Variants in DCDC1 observed in about 807,000 individuals in gnomAD.
DCDC1 encodes doublecortin domain containing 1.
DCDC1 carries 200 observed loss-of-function variants against 178.3 expected under a neutral mutation model. The ratio of observed to expected loss-of-function variants is 1.12; its 90% confidence interval spans 1.00 to 1.26. The LOEUF (loss-of-function observed/expected upper bound fraction) is 1.26, where lower values mean the gene tolerates loss of function less well. Ranked by LOEUF, DCDC1 falls within the 50% of genes most tolerant of loss-of-function variation. The pLI, the probability that DCDC1 is intolerant of heterozygous loss-of-function variation, is 0.00. For synonymous variants in DCDC1, 690 were observed against 604.8 expected (o/e 1.14, Z -2.07); for missense variants, 1,983 against 1,749.2 (o/e 1.13, Z -2.38).
intron 2 of DCDC1, among the ~76,000 whole-genome samples, chr11:31,331,938 A>G (rs1460726908): frequency 6.6e-6 from 1 of 152,180 alleles, no homozygotes; most frequent in Non-Finnish European, 1.5e-5. Context: ...TGATTGGAAT[A>G]GTTTCAGAAG....
chr11:30,948,486 C>A (rs949978690), intron 21 of DCDC1, among the ~76,000 whole-genome samples: 3 of 152,132 alleles, frequency 2.0e-5, no homozygotes, highest in African/African-American at 7.2e-5. Context: ...ACTTTCTTCA[C>A]AGAAGTAGAA....
chr11:31,328,399 T>C, intron 2 of DCDC1, 113 bp from the exon 3 acceptor site: 1 of 1,011,318 alleles, frequency 9.9e-7, no homozygotes, highest in Non-Finnish European at 1.4e-6. Flanking sequence ...CTAGACCATA[T>C]AGCAATGATT....
intron 20 of DCDC1, among the ~76,000 whole-genome samples, chr11:30,989,668 T>C (rs1207098753): frequency 6.6e-6 from 1 of 152,218 alleles, no homozygotes; most frequent in Non-Finnish European, 1.5e-5. Flanking sequence ...GAATTATTTC[T>C]GCTCAAATCC....
At chr11:31,114,391 C>T (rs1485804942) in intron 11 of DCDC1, among the ~76,000 whole-genome samples, 1 of 152,036 alleles carries the variant, frequency 6.6e-6, no homozygotes, top group East Asian at 1.9e-4. Flanking sequence ...GGTAAATGCA[C>T]CCTGTGTAGG....
rs147360410 is a variant in DCDC1 at position 31,095,652 on chromosome 11, C to G, written c.1984-1468G>C. ...TAGTTGTGGGGATGGATAGGGGGTA[C>G]TGAAGGGGGAGACATTGCACCCACA... On this transcript the variant is annotated intron_variant, in intron 15 of 38. Coordinates refer to ENST00000684477, the MANE Select transcript of DCDC1 (RefSeq NM_001387274.1). Among the ~76,000 whole-genome samples the G allele has an allele frequency of 4.7e-3, 715 of 152,156 alleles. 4 individuals are homozygous for G. Among genetic ancestry groups the G allele is most frequent in the Non-Finnish European group, 7.7e-3 (527 of 68,004 alleles).
At chr11:30,924,440 G>C (rs1417149418) in intron 23 of DCDC1, among the ~76,000 whole-genome samples, 2 of 152,078 alleles carry the variant, frequency 1.3e-5, no homozygotes, top group South Asian at 4.1e-4. Context: ...AAGAATTGTA[G>C]GCATCAATCA....
chr11:31,005,626 T>G (rs1337849063), intron 20 of DCDC1, among the ~76,000 whole-genome samples: 1 of 152,092 alleles, frequency 6.6e-6, no homozygotes, highest in Admixed American at 6.5e-5. Context: ...CTATAGTATA[T>G]CAAGGGGGTA....
At chr11:31,177,005 A>T (rs1407374262) in intron 9 of DCDC1, among the ~76,000 whole-genome samples, 1 of 152,074 alleles carries the variant, frequency 6.6e-6, no homozygotes, top group Non-Finnish European at 1.5e-5. Flanking sequence ...AACTCATAAT[A>T]CCCCAGTAAT....
chr11:30,990,271 T>G (rs1475850222), intron 20 of DCDC1, among the ~76,000 whole-genome samples: 1 of 152,188 alleles, frequency 6.6e-6, no homozygotes, highest in African/African-American at 2.4e-5. Context: ...TTCTTATTCC[T>G]GTAAGATCTC....
In DCDC1 at chr11:31,106,976, AG is replaced by A. The variant is rs1447191209; in HGVS notation, c.1588-17del. The A allele has an allele frequency of 1.7e-5, 13 of 760,908 alleles. No homozygotes were observed. The highest frequency in any genetic ancestry group is 3.1e-5 in the Non-Finnish European group (13 of 416,096). 47.1% of individuals were successfully genotyped at this position (760,908 alleles called of 1,614,324 possible). A position where few individuals can be genotyped will look rare whatever the true frequency, so the allele number is the denominator to read the frequency against. Reference sequence around the variant, plus strand: ...TGAGAAGTAACTGGTTGGGGGTTAGAGGGGCAGAGGGGATAGAGGAGAATAA... The same window carrying A: ...TGAGAAGTAACTGGTTGGGGGTTAGAGGGCAGAGGGGATAGAGGAGAATAA... On this transcript the variant is annotated splice_polypyrimidine_tract_variant and intron_variant, in intron 12 of 38. Coordinates refer to ENST00000684477, the MANE Select transcript of DCDC1 (RefSeq NM_001387274.1).
intron 21 of DCDC1, chr11:30,944,037 G>A: frequency 3.9e-6 from 1 of 253,730 alleles, no homozygotes. Context: ...TTTGTTAGAT[G>A]GTTTTCCTAG....
At chr11:30,911,849 A>G (rs1945470726) in intron 27 of DCDC1, among the ~76,000 whole-genome samples, 1 of 152,146 alleles carries the variant, frequency 6.6e-6, no homozygotes, top group African/African-American at 2.4e-5. Flanking sequence ...TGCTGTGCCC[A>G]GCAACAGACT....
chr11:30,956,410 A>AT (rs1022865105), intron 20 of DCDC1, among the ~76,000 whole-genome samples: 12 of 151,928 alleles, frequency 7.9e-5, no homozygotes, highest in African/African-American at 2.7e-4. Flanking sequence ...GGAAACTCTG[A>AT]TTTTTTTTAT....
intron 38 of DCDC1, among the ~76,000 whole-genome samples, chr11:30,869,382 C>T (rs1267636522): frequency 1.3e-5 from 2 of 152,210 alleles, no homozygotes. Context: ...GCAGATATTT[C>T]AATGCATGGC....
intron 1 of DCDC1, among the ~76,000 whole-genome samples, chr11:31,365,506 C>T (rs1951912803): frequency 6.6e-6 from 1 of 152,048 alleles, no homozygotes; most frequent in Admixed American, 6.6e-5. Flanking sequence ...AGCAGAAGTA[C>T]ACTATATGTA....
intron 20 of DCDC1, among the ~76,000 whole-genome samples, chr11:31,003,973 T>C (rs1175210049): frequency 1.3e-5 from 2 of 152,178 alleles, no homozygotes; most frequent in South Asian, 2.1e-4. Context: ...GCTAGGTTTC[T>C]GCTTGGGCAA....
intron 15 of DCDC1, 99 bp downstream of exon 15, chr11:31,102,078 G>GAAAAAAAA: frequency 2.6e-6 from 1 of 383,724 alleles, no homozygotes; most frequent in Admixed American, 4.3e-5. Flanking sequence ...CTCCATCTCA[G>GAAAAAAAA]AAAAAAAAAA....
In DCDC1 at chr11:31,108,443, A is replaced by C. The variant is rs1265719854; in HGVS notation, c.1588-1483T>G. 2.0e-5 allele frequency among the ~76,000 whole-genome samples: 3 copies of C among 152,174 alleles called. No homozygotes were observed. In the East Asian group the frequency reaches 5.8e-4, roughly 29 times the overall value. ...CCTACATTTATTTTTGTGTGGTTTC[A>C]GCTCTTGAGCTTATTTTTGTTGCTT... On this transcript the variant is annotated intron_variant, in intron 12 of 38. Coordinates refer to ENST00000684477, the MANE Select transcript of DCDC1 (RefSeq NM_001387274.1).
intron 2 of DCDC1, among the ~76,000 whole-genome samples, chr11:31,334,480 C>T (rs1434234675): frequency 6.6e-6 from 1 of 152,212 alleles, no homozygotes; most frequent in Non-Finnish European, 1.5e-5. Flanking sequence ...TTAGAATTGT[C>T]AGCTTTTCTG....
Sources: allele counts gnomAD v4.1 joint callset (sites outside exome capture counted in the v4.1 genomes callset), GRCh38; gene constraint gnomAD v4.1.1; transcripts MANE v1.5; gene names NCBI Gene and HGNC (gene_info 2026-07-23, HGNC 2026-07-21).